The following SOCS5 variants were observed in gnomAD, a reference collection of about 807,000 sequenced individuals.
SOCS5 encodes the protein CIS-6.
SOCS5 carries 32 observed loss-of-function variants against 42.8 expected under a neutral mutation model. That is an observed-to-expected ratio of 0.75 (90% confidence interval 0.56 to 1.01). The LOEUF (loss-of-function observed/expected upper bound fraction) is 1.01, where lower values mean the gene tolerates loss of function less well. Ranked by LOEUF, SOCS5 falls within the 50% of genes least tolerant of loss-of-function variation. The pLI is 0.00. For synonymous variants in SOCS5, 283 were observed against 229.6 expected, an observed-to-expected ratio of 1.23 and a Z score of -2.10; for missense variants, 627 against 653.0, an observed-to-expected ratio of 0.96 and a Z score of 0.43.
chr2:46,746,795 C>T (rs1673509091), intron 1 of SOCS5, among the ~76,000 whole-genome samples: 1 of 151,768 alleles, frequency 6.6e-6, no homozygotes, highest in Admixed American at 6.6e-5. Flanking sequence ...TATCCTGTGA[C>T]CCTGCTAAAC....
At chr2:46,746,890 T>G (rs1303582092) in intron 1 of SOCS5, among the ~76,000 whole-genome samples, 1 of 151,720 alleles carries the variant, frequency 6.6e-6, no homozygotes, top group Non-Finnish European at 1.5e-5. Context: ...TGGAGTTTTA[T>G]TTTCTCTTTT....
chr2:46,727,527 A>C (rs988257678), intron 1 of SOCS5, among the ~76,000 whole-genome samples: 1 of 152,172 alleles, frequency 6.6e-6, no homozygotes, highest in Non-Finnish European at 1.5e-5. Flanking sequence ...TGTTGGGTTC[A>C]ACCTTCAAGT....
chr2:46,718,666 T>C (rs1672807218), intron 1 of SOCS5, among the ~76,000 whole-genome samples: 1 of 152,178 alleles, frequency 6.6e-6, no homozygotes, highest in Non-Finnish European at 1.5e-5. Flanking sequence ...GAAAAACTGC[T>C]CAACCACAGA....
At chr2:46,709,855 A>G (rs762459939) in intron 1 of SOCS5, among the ~76,000 whole-genome samples, 4 of 152,206 alleles carry the variant, frequency 2.6e-5, no homozygotes, top group Non-Finnish European at 5.9e-5. Flanking sequence ...CTTAATTTAC[A>G]TACTATTTTA....
chr2:46,705,307 G>C (rs567382967), intron 1 of SOCS5, among the ~76,000 whole-genome samples: 3 of 152,134 alleles, frequency 2.0e-5, no homozygotes, highest in Admixed American at 2.0e-4. Context: ...TCAGTCTTTT[G>C]GGTCTGGGTC....
intron 1 of SOCS5, among the ~76,000 whole-genome samples, chr2:46,709,211 A>ACTTTGCCT (rs1216033690): frequency 6.6e-6 from 1 of 152,118 alleles, no homozygotes; most frequent in Non-Finnish European, 1.5e-5. Context: ...AGCAACTAGC[A>ACTTTGCCT]CTTTGCCTCT....
In SOCS5 at chr2:46,760,046, C is replaced by T. The variant is rs1326047640; in HGVS notation, c.1516C>T (p.Leu506=). Residue 506 remains leucine, a synonymous_variant, in exon 2 of 2, where the codon CTA becomes TTA. Coordinates refer to ENST00000394861, the MANE Select transcript of SOCS5 (RefSeq NM_144949.3). ...TTYDGIDGLP[L]PSMLQDFLKE... ...GTATGATGGAATTGATGGGCTCCCT[C>T]TACCCTCAATGTTACAGGATTTTTT... 1.9e-6 allele frequency: 3 copies of T among 1,613,610 alleles called. No homozygotes were observed. The highest frequency in any genetic ancestry group is 1.7e-5 in the Admixed American group (1 of 59,994).
intron 1 of SOCS5, among the ~76,000 whole-genome samples, chr2:46,737,856 T>TAAA (rs397872452): frequency 7.1e-6 from 1 of 141,760 alleles, no homozygotes. Flanking sequence ...CTGTCCTTTC[T>TAAA]AAAAAAAAAA....
chr2:46,759,719 G>A lies in SOCS5; in HGVS notation c.1189G>A (p.Gly397Arg). The A allele has an allele frequency of 6.2e-7, 1 of 1,614,138 alleles. No homozygotes were observed. The highest frequency in any genetic ancestry group is 8.5e-7 in the Non-Finnish European group (1 of 1,180,024). The change falls in exon 2 of 2, where the codon GGG (glycine) becomes AGG (arginine). Residue 397 changes from glycine to arginine, a missense_variant. Gly to Arg is a moderately radical substitution (Grantham distance 125, BLOSUM62 -2). This residue lies in a region of SOCS5 where 340 missense variants were observed against 367.6 expected (regional missense o/e 0.92). Transcript: ENST00000394861. Reference protein sequence around the residue: ...DRYEAEALLEGKPEGTFLLRD... With the variant: ...DRYEAEALLERKPEGTFLLRD... ...TTATGAAGCAGAAGCCCTTCTCGAA[G>A]GGAAACCTGAAGGCACGTTTTTGCT...
rs11373537 is a variant in SOCS5, at chr2:46,746,922, C to CTT, written c.-12-11577_-12-11576dup. Reference sequence around the variant, plus strand: ...TTTTCCAATTTGCATGACTTTATTTCTTTTTTTTTTTTTTTTTTTTTGCCT... The same window carrying CTT: ...TTTTCCAATTTGCATGACTTTATTTCTTTTTTTTTTTTTTTTTTTTTTTGCCT... On this transcript the variant is annotated intron_variant, in intron 1 of 1. Coordinates refer to ENST00000394861, the MANE Select transcript of SOCS5 (RefSeq NM_144949.3). 3.2e-3 allele frequency among the ~76,000 whole-genome samples: 227 copies of CTT among 70,780 alleles called. 6 individuals are homozygous for CTT. Among genetic ancestry groups the CTT allele is most frequent in the East Asian group, 3.6e-3 (8 of 2,246 alleles). The allele number at this position is 70,780 out of a possible 152,430, so 46.4% of individuals were successfully genotyped here.
chr2:46,739,839 G>T (rs1215946658), intron 1 of SOCS5, among the ~76,000 whole-genome samples: 1 of 151,774 alleles, frequency 6.6e-6, no homozygotes, highest in East Asian at 1.9e-4. Flanking sequence ...CTAATCCATT[G>T]TGCATATACT....
intron 1 of SOCS5, among the ~76,000 whole-genome samples, chr2:46,724,974 A>G (rs563605724): frequency 1.3e-5 from 2 of 151,964 alleles, no homozygotes; most frequent in South Asian, 2.1e-4. Context: ...GAAATCTCCA[A>G]CTGTCATTGT....
At chr2:46,711,511 G>T (rs1672622091) in intron 1 of SOCS5, among the ~76,000 whole-genome samples, 1 of 152,112 alleles carries the variant, frequency 6.6e-6, no homozygotes, top group African/African-American at 2.4e-5. Context: ...TATATTAATT[G>T]GATGCAACTT....
intron 1 of SOCS5, among the ~76,000 whole-genome samples, chr2:46,717,903 A>C (rs191123786): frequency 2.0e-5 from 3 of 152,196 alleles, no homozygotes; most frequent in East Asian, 1.9e-4. Context: ...TTATTCTTTC[A>C]CTGGTCTGAT....
chr2:46,708,301 G>A (rs1379278594), intron 1 of SOCS5, among the ~76,000 whole-genome samples: 1 of 152,200 alleles, frequency 6.6e-6, no homozygotes, highest in African/African-American at 2.4e-5. Flanking sequence ...AGTTGAGTAT[G>A]AGTCTAAGGT....
chr2:46,702,224 T>A lies in SOCS5; in HGVS notation c.-13+2775T>A, dbSNP rs116247713. 4.9e-3 allele frequency among the ~76,000 whole-genome samples: 753 copies of A among 152,336 alleles called. 2 individuals carry two copies. Among genetic ancestry groups the A allele is most frequent in the Non-Finnish European group, 8.4e-3 (574 of 68,032 alleles). On this transcript the variant is annotated intron_variant, in intron 1 of 1. Transcript: ENST00000394861. The stretch of plus-strand genomic sequence containing the variant: ...CGTTAGATGTAAGCAGGCAGTTGTG[T>A]GCCCATTTATTTCCTTGCTGTACAC...
chr2:46,704,106 C>T (rs1169745577), intron 1 of SOCS5, among the ~76,000 whole-genome samples: 2 of 152,204 alleles, frequency 1.3e-5, no homozygotes, highest in Admixed American at 6.5e-5. Context: ...ATTTACCTTA[C>T]TCTGATGAGC....
chr2:46,752,274 A>C (rs555288375), intron 1 of SOCS5, among the ~76,000 whole-genome samples: 1 of 151,930 alleles, frequency 6.6e-6, no homozygotes, highest in Non-Finnish European at 1.5e-5. Context: ...AACTGCGCAC[A>C]GGGGATCTAG....
chr2:46,749,271 A>G (rs771075586), intron 1 of SOCS5, among the ~76,000 whole-genome samples: 1 of 152,196 alleles, frequency 6.6e-6, no homozygotes, highest in Non-Finnish European at 1.5e-5. Context: ...TACTGTCACT[A>G]ACATGAACTA....
Sources: allele counts gnomAD v4.1 joint callset (sites outside exome capture counted in the v4.1 genomes callset), GRCh38; gene constraint gnomAD v4.1.1; regional missense constraint gnomAD v4.1.1; transcripts MANE v1.5; gene names NCBI Gene and HGNC (gene_info 2026-07-23, HGNC 2026-07-21).